ARAP2: variants seen among roughly 807,000 people sequenced by gnomAD.
ARAP2 encodes arf-GAP with Rho-GAP domain, ANK repeat and PH domain-containing protein 2.
Under a neutral mutation model 194.5 loss-of-function variants are expected in ARAP2, and 148 were observed. The ratio of observed to expected loss-of-function variants is 0.76; its 90% CI spans 0.67 to 0.87. The LOEUF (loss-of-function observed/expected upper bound fraction) is 0.87. ARAP2 is among the 40% of genes least tolerant of loss of function. The probability of loss-of-function intolerance (pLI) is 0.00; values close to 1 mark genes in which losing one functional copy is unlikely to be tolerated. For missense variants in ARAP2, 2,128 were observed against 1,989.7 expected, an observed-to-expected ratio of 1.07 and a Z score of -1.32; for synonymous variants, 695 against 683.5, an observed-to-expected ratio of 1.02 and a Z score of -0.26.
chr4:36,085,552 C>T (rs79391883), intron 28 of ARAP2, among the ~76,000 whole-genome samples: 1,641 of 152,086 alleles, frequency 0.011, 44 homozygotes, highest in East Asian at 0.095. Flanking sequence ...GCTCTTTGTT[C>T]ACTTTTATAC....
chr4:36,161,096 T>C (rs549147135), intron 12 of ARAP2, among the ~76,000 whole-genome samples: 1 of 151,626 alleles, frequency 6.6e-6, no homozygotes, highest in African/African-American at 2.4e-5. Context: ...AATGTTTTCA[T>C]TCACTCTCCT....
At chr4:36,211,716 C>T (rs1050504605) in intron 5 of ARAP2, among the ~76,000 whole-genome samples, 2 of 151,982 alleles carry the variant, frequency 1.3e-5, no homozygotes, top group South Asian at 2.1e-4. Context: ...AAACTGTTGG[C>T]AATACAAAAG....
At position 36,112,107 on chromosome 4, in the gene ARAP2, T is replaced by C. The variant is rs1284621408; in HGVS notation, c.4156+2063A>G. 5.9e-5 allele frequency among the ~76,000 whole-genome samples: 9 copies of C among 152,106 alleles called. No homozygotes were observed. In the East Asian group the frequency reaches 1.8e-3, roughly 30 times the overall value. On this transcript the variant is annotated intron_variant, in intron 26 of 32. Coordinates refer to ENST00000303965, the MANE Select transcript of ARAP2 (RefSeq NM_015230.4). Reference sequence around the variant, plus strand: ...TGCCTCCCACATTTGGATGCATCTATACCAGGAACCACAATCCATATCACT... The same window carrying C: ...TGCCTCCCACATTTGGATGCATCTACACCAGGAACCACAATCCATATCACT...
intron 1 of ARAP2, among the ~76,000 whole-genome samples, chr4:36,242,000 C>T (rs772620172): frequency 6.6e-6 from 1 of 152,040 alleles, no homozygotes; most frequent in East Asian, 1.9e-4. Context: ...GAAAAGATCA[C>T]GTGAGGAGAA....
intron 2 of ARAP2, among the ~76,000 whole-genome samples, chr4:36,224,048 G>GTT (rs540512194): frequency 1.4e-5 from 2 of 147,666 alleles, no homozygotes; most frequent in African/African-American, 5.0e-5. Flanking sequence ...ATACCTAGAG[G>GTT]TTTTTTTTTT....
At chr4:36,028,983 T>C (rs1718445118) in intron 5 of ARAP2, among the ~76,000 whole-genome samples, 1 of 152,026 alleles carries the variant, frequency 6.6e-6, no homozygotes, top group South Asian at 2.1e-4. Flanking sequence ...AGGAAATTAA[T>C]GAGGTATTAT....
At chr4:36,153,867 T>C (rs1029011240) in intron 15 of ARAP2, among the ~76,000 whole-genome samples, 9 of 152,216 alleles carry the variant, frequency 5.9e-5, no homozygotes, top group Non-Finnish European at 1.0e-4. Context: ...CTTTAACTCA[T>C]TGAATCCTCA....
intron 27 of ARAP2, among the ~76,000 whole-genome samples, chr4:36,105,527 G>A (rs1398315429): frequency 1.3e-5 from 2 of 151,936 alleles, no homozygotes; most frequent in African/African-American, 2.4e-5. Context: ...TCTAGAAGAT[G>A]TAATGGGATA....
At chr4:36,009,543 T>C (rs1455710859) in intron 9 of ARAP2, among the ~76,000 whole-genome samples, 1 of 152,028 alleles carries the variant, frequency 6.6e-6, no homozygotes, top group African/African-American at 2.4e-5. Flanking sequence ...AGGGTAAGGA[T>C]TGGATACTAT....
chr4:36,085,112 G>T (rs903568280), intron 28 of ARAP2, among the ~76,000 whole-genome samples: 2 of 151,972 alleles, frequency 1.3e-5, no homozygotes, highest in Non-Finnish European at 2.9e-5. Flanking sequence ...GTTTGTACTA[G>T]TTCTTTATGT....
At chr4:36,007,298 A>C (rs1713491093) in intron 9 of ARAP2, among the ~76,000 whole-genome samples, 1 of 152,174 alleles carries the variant, frequency 6.6e-6, no homozygotes, top group Non-Finnish European at 1.5e-5. Flanking sequence ...ATTATACTAA[A>C]TTATCCAGGT....
At chr4:36,140,084 T>C (rs946703769) in intron 19 of ARAP2, among the ~76,000 whole-genome samples, 6 of 150,814 alleles carry the variant, frequency 4.0e-5, no homozygotes, top group East Asian at 2.0e-4. Context: ...AAGTCCTTCA[T>C]TGGATTGTAG....
Position 36,168,834 on chromosome 4 carries a change from T to C in ARAP2, c.1858-1787A>G, listed in dbSNP as rs147193615. 1.4e-4 allele frequency among the ~76,000 whole-genome samples: 22 copies of C among 152,346 alleles called. No homozygotes were observed. In the East Asian group the frequency reaches 3.5e-3, roughly 24 times the overall value. On this transcript the variant is annotated intron_variant, in intron 9 of 32. Transcript: ENST00000303965. ...ATGGGAGTGCCATACTTCCACTTTG[T>C]ATAGTAAGCCCACTTAATGAAAAAT...
intron 28 of ARAP2, among the ~76,000 whole-genome samples, chr4:36,090,245 GA>G (rs1713212159): frequency 6.6e-6 from 1 of 152,046 alleles, no homozygotes; most frequent in Non-Finnish European, 1.5e-5. Flanking sequence ...AACCAGTTCT[GA>G]AATTGAAGCA....
At chr4:36,012,889 T>C (rs1714807621) in intron 8 of ARAP2, 2 of 152,220 alleles carry the variant, frequency 1.3e-5, no homozygotes, top group African/African-American at 4.8e-5. Flanking sequence ...AAAATCATCA[T>C]GAGAAGGTGG....
intron 20 of ARAP2, among the ~76,000 whole-genome samples, chr4:36,130,089 T>C (rs894536779): frequency 5.3e-5 from 8 of 152,072 alleles, no homozygotes; most frequent in Non-Finnish European, 8.8e-5. Flanking sequence ...ATGATCTCAC[T>C]CTCAGAACTG....
chr4:36,149,385 C>T (rs1386869935), intron 16 of ARAP2, among the ~76,000 whole-genome samples: 1 of 152,156 alleles, frequency 6.6e-6, no homozygotes, highest in Non-Finnish European at 1.5e-5. Context: ...TCTCTTCCTC[C>T]AATCTCCTTA....
At position 36,170,321 on chromosome 4, in the gene ARAP2, G is replaced by A. The variant is rs1578155862; in HGVS notation, c.1858-3274C>T. On this transcript the variant is annotated intron_variant, in intron 9 of 32. Coordinates refer to ENST00000303965, the MANE Select transcript of ARAP2 (RefSeq NM_015230.4). ...ACTTCTCTCTTGACCAGGCAATGTGGCTCACACCTTAATCCCAACACTTTG... is the reference window on the plus strand; with the variant it reads ...ACTTCTCTCTTGACCAGGCAATGTGACTCACACCTTAATCCCAACACTTTG... Among the ~76,000 whole-genome samples, 6 of 152,300 alleles carry A rather than the reference G, an allele frequency of 3.9e-5. 1 individual carries two copies. The highest frequency in any genetic ancestry group is 3.9e-4 in the Admixed American group (6 of 15,304).
rs528169566 is a variant in ARAP2, at chr4:36,109,866, C to T, written c.4157-2173G>A. Among the ~76,000 whole-genome samples, 3 of 132,852 alleles carry T rather than the reference C, an allele frequency of 2.3e-5. No homozygotes were observed. In the South Asian group the frequency reaches 8.0e-4, roughly 35 times the overall value. 87.2% of individuals were successfully genotyped at this position (132,852 alleles called of 152,430 possible). ...ACCTAATGCTATCCCTCCCCCTCCC[C>T]CTTTTGAGCCTACTACTTGCAAGCT... On this transcript the variant is annotated intron_variant, in intron 26 of 32. Transcript: ENST00000303965.
Sources: allele counts gnomAD v4.1 joint callset (sites outside exome capture counted in the v4.1 genomes callset), GRCh38; gene constraint gnomAD v4.1.1; transcripts MANE v1.5; gene names NCBI Gene and HGNC (gene_info 2026-07-23, HGNC 2026-07-21).